The following OR51B5 variants were observed in gnomAD, a reference collection of about 807,000 sequenced individuals.
OR51B5 encodes the protein olfactory receptor family 51 subfamily B member 5.
For synonymous variants in OR51B5, 186 were observed against 144.8 expected (o/e 1.28, Z -2.04); for missense variants, 456 against 374.6 (o/e 1.22, Z -1.79).
rs575695132 is a variant in OR51B5 at position 5,480,742 on chromosome 11, A to G, written n.84+24827T>C. 7.4e-4 allele frequency among the ~76,000 whole-genome samples: 111 copies of G among 150,596 alleles called. 1 individual carries two copies. The highest frequency in any genetic ancestry group is 2.5e-3 in the African/African-American group (102 of 41,096). On this transcript the variant is annotated intron_variant and non_coding_transcript_variant, in intron 1 of 4. Coordinates refer to the OR51B5 transcript ENST00000415970. Reference sequence around the variant, plus strand: ...ATACTACAAACACCTCTATGGAAATAAACTAGAAAATCTAGAAGAAGTGGA... The same window carrying G: ...ATACTACAAACACCTCTATGGAAATGAACTAGAAAATCTAGAAGAAGTGGA...
intron 1 of OR51B5, chr11:5,488,782 G>A: frequency 6.2e-7 from 1 of 1,614,018 alleles, no homozygotes. Flanking sequence ...GCTGGAGGCT[G>A]CCCACTTCTG....
chr11:5,467,420 GA>G (rs1273954718), intron 1 of OR51B5, among the ~76,000 whole-genome samples: 1 of 151,860 alleles, frequency 6.6e-6, no homozygotes, highest in Non-Finnish European at 1.5e-5. Context: ...ATCCTATGAG[GA>G]AAAAAAATTA....
At chr11:5,390,276 T>A in intron 1 of OR51B5, 1 of 1,613,934 alleles carries the variant, frequency 6.2e-7, no homozygotes, top group African/African-American at 1.3e-5. Flanking sequence ...AATGTCTACC[T>A]TTTTGTGCCT....
chr11:5,384,384 G>C (rs141826871), intron 1 of OR51B5, among the ~76,000 whole-genome samples: 29 of 152,268 alleles, frequency 1.9e-4, no homozygotes, highest in African/African-American at 6.3e-4. Flanking sequence ...TTAGAAACCA[G>C]GGTTCTCACA....
intron 1 of OR51B5, among the ~76,000 whole-genome samples, chr11:5,374,597 T>A (rs749138718): frequency 2.6e-5 from 4 of 152,062 alleles, no homozygotes; most frequent in Non-Finnish European, 2.9e-5. Flanking sequence ...AAAATTTAGA[T>A]GAATGTATAA....
At chr11:5,444,142 CAAT>C (rs1219626349) in intron 1 of OR51B5, among the ~76,000 whole-genome samples, 3 of 152,244 alleles carry the variant, frequency 2.0e-5, no homozygotes, top group Non-Finnish European at 2.9e-5. Flanking sequence ...AACAAAACCA[CAAT>C]AATATCTCCA....
chr11:5,504,875 T>C (rs1236483684), intron 1 of OR51B5, among the ~76,000 whole-genome samples: 1 of 152,216 alleles, frequency 6.6e-6, no homozygotes, highest in African/African-American at 2.4e-5. Context: ...ATGAGTTTAC[T>C]CTTTAATGAA....
At chr11:5,445,446 T>C (rs570653859) in intron 1 of OR51B5, among the ~76,000 whole-genome samples, 82 of 152,230 alleles carry the variant, frequency 5.4e-4, no homozygotes, top group Admixed American at 1.2e-3. Context: ...ACTCCATTAC[T>C]ATATGGAACC....
intron 1 of OR51B5, among the ~76,000 whole-genome samples, chr11:5,372,173 G>C (rs1849457806): frequency 6.6e-6 from 1 of 152,032 alleles, no homozygotes; most frequent in Admixed American, 6.6e-5. Context: ...TCTATATATA[G>C]ATACCACTTA....
chr11:5,382,996 TTGTG>T (rs1479855028), intron 1 of OR51B5, among the ~76,000 whole-genome samples: 3 of 152,120 alleles, frequency 2.0e-5, no homozygotes, highest in African/African-American at 7.2e-5. Flanking sequence ...GGTGGAGAGG[TTGTG>T]TGTGAGTTTT....
At chr11:5,500,369 A>C (rs1460824218) in intron 1 of OR51B5, among the ~76,000 whole-genome samples, 1 of 152,182 alleles carries the variant, frequency 6.6e-6, no homozygotes, top group African/African-American at 2.4e-5. Context: ...AGTTAAACTT[A>C]CTGGCTCTGT....
chr11:5,452,158 A>C (rs1485794782), intron 1 of OR51B5, among the ~76,000 whole-genome samples: 1 of 152,300 alleles, frequency 6.6e-6, no homozygotes, highest in Non-Finnish European at 1.5e-5. Context: ...TCCTGCATAT[A>C]TGTCAGTGCA....
chr11:5,490,995 AT>A (rs1851572964), intron 1 of OR51B5, among the ~76,000 whole-genome samples: 1 of 152,262 alleles, frequency 6.6e-6, no homozygotes, highest in Non-Finnish European at 1.5e-5. Context: ...ATTGATAACC[AT>A]TTTAATACTT....
chr11:5,453,525 C>A, intron 1 of OR51B5: 1 of 1,587,030 alleles, frequency 6.3e-7, no homozygotes, highest in South Asian at 1.2e-5. Context: ...TGCATTCTTC[C>A]TCCTGACTGG....
chr11:5,391,963 G>A (rs1204155580), intron 1 of OR51B5: 1 of 152,266 alleles, frequency 6.6e-6, no homozygotes, highest in African/African-American at 2.4e-5. Flanking sequence ...CAGCTACCTG[G>A]GAGGCTGAGG....
exon 1 of OR51B5, chr11:5,342,923 A>C: frequency 1.2e-6 from 2 of 1,614,014 alleles, no homozygotes; most frequent in South Asian, 2.2e-5. Flanking sequence ...TATAAAGACT[A>C]CAAGCACAGC....
chr11:5,430,697 G>A (rs1393896176), intron 1 of OR51B5: 3 of 456,512 alleles, frequency 6.6e-6, no homozygotes, highest in East Asian at 7.0e-5. Flanking sequence ...AGAATTCCCT[G>A]TCTTATTGTC....
At chr11:5,447,724 G>T (rs1850788412) in intron 1 of OR51B5, among the ~76,000 whole-genome samples, 1 of 152,076 alleles carries the variant, frequency 6.6e-6, no homozygotes, top group Non-Finnish European at 1.5e-5. Flanking sequence ...GAAGGAACTT[G>T]TACCCTACTT....
At chr11:5,376,250 T>G (rs1435701082) in intron 1 of OR51B5, among the ~76,000 whole-genome samples, 1 of 152,100 alleles carries the variant, frequency 6.6e-6, no homozygotes. Context: ...AATAAAGATG[T>G]TCTTTGAAAC....
Sources: allele counts gnomAD v4.1 joint callset (sites outside exome capture counted in the v4.1 genomes callset), GRCh38; gene constraint gnomAD v4.1.1; transcripts MANE v1.5; gene names NCBI Gene and HGNC (gene_info 2026-07-23, HGNC 2026-07-21).